The following FAT3 variants were observed in gnomAD, a reference collection of about 807,000 sequenced individuals.
FAT3 encodes FAT atypical cadherin 3, also known as protocadherin Fat 3.
A neutral mutation model predicts 310.2 loss-of-function variants in FAT3; 95 were observed. That is an observed-to-expected ratio of 0.31 (90% confidence interval 0.26 to 0.36). The LOEUF is 0.36. FAT3 is among the 10% of genes least tolerant of loss of function. The probability of loss-of-function intolerance (pLI) is 1.00; values close to 1 mark genes in which losing one functional copy is unlikely to be tolerated. For missense variants in FAT3, 5,408 were observed against 5,715.6 expected, an observed-to-expected ratio of 0.95 and a Z score of 1.74; for synonymous variants, 2,314 against 2,192.9, an observed-to-expected ratio of 1.06 and a Z score of -1.54.
chr11:92,859,811 T>A (rs953592335), intron 21 of FAT3, among the ~76,000 whole-genome samples: 1 of 152,158 alleles, frequency 6.6e-6, no homozygotes, highest in Non-Finnish European at 1.5e-5. Context: ...TTTCCTAGCC[T>A]CAGAAATGCT....
chr11:92,430,502 TTGGA>T (rs1445811515), intron 2 of FAT3, among the ~76,000 whole-genome samples: 2 of 152,046 alleles, frequency 1.3e-5, no homozygotes, highest in Non-Finnish European at 2.9e-5. Context: ...TTGGTGGCCT[TTGGA>T]TGGGGTTTTT....
At chr11:92,700,330 T>C (rs1944061015) in intron 4 of FAT3, among the ~76,000 whole-genome samples, 1 of 152,044 alleles carries the variant, frequency 6.6e-6, no homozygotes. Flanking sequence ...GAGGGGACTA[T>C]GGTAAGGATT....
intron 1 of FAT3, among the ~76,000 whole-genome samples, chr11:92,317,042 T>C (rs1289408485): frequency 6.6e-6 from 1 of 152,140 alleles, no homozygotes; most frequent in Non-Finnish European, 1.5e-5. Context: ...ATTAGACTCA[T>C]TGCAATATGG....
rs549821705 is a variant in FAT3 at position 92,577,841 on chromosome 11, T to G, written c.3607+52893T>G. On this transcript the variant is annotated intron_variant, in intron 3 of 27. Transcript: ENST00000525166. ...ATGCAATTTTTTTCTTTTTGTGATA[T>G]GTAATTTTTGATTGTTTTATTTCTT... Among the ~76,000 whole-genome samples, 6 of 152,184 alleles carry G rather than the reference T, an allele frequency of 3.9e-5. No individual in the cohort carries two copies. The East Asian group carries it at 1.2e-3, about 30-fold the overall frequency.
At chr11:92,445,146 A>G (rs1951179882) in intron 2 of FAT3, among the ~76,000 whole-genome samples, 1 of 152,242 alleles carries the variant, frequency 6.6e-6, no homozygotes, top group African/African-American at 2.4e-5. Flanking sequence ...CCAAACTATG[A>G]GAAAATAAAA....
At chr11:92,761,785 C>A in intron 4 of FAT3, 71 bp from the exon 5 acceptor site, 1 of 1,395,242 alleles carries the variant, frequency 7.2e-7, no homozygotes, top group Non-Finnish European at 9.8e-7. Context: ...TTAGAAGAAA[C>A]ACCCATAGGT....
intron 1 of FAT3, among the ~76,000 whole-genome samples, chr11:92,227,846 CA>C (rs1234472177): frequency 1.6e-4 from 22 of 139,562 alleles, no homozygotes; most frequent in Admixed American, 2.9e-4. Context: ...GAGACAAAGA[CA>C]AAAAAAAAGC....
At chr11:92,229,504 T>TTTTTTTTTTTTTTTTTTTTTC (rs1864072986) in intron 1 of FAT3, among the ~76,000 whole-genome samples, 1 of 68,924 alleles carries the variant, frequency 1.5e-5, no homozygotes, top group Non-Finnish European at 3.1e-5. Flanking sequence ...TTTTTTTTTT[T>TTTTTTTTTTTTTTTTTTTTTC]TTGTTTTTTG....
At chr11:92,685,870 T>C (rs1177451179) in intron 3 of FAT3, among the ~76,000 whole-genome samples, 1 of 152,124 alleles carries the variant, frequency 6.6e-6, no homozygotes. Context: ...AGAGGGAAAA[T>C]ACAAGGCTTC....
intron 3 of FAT3, among the ~76,000 whole-genome samples, chr11:92,690,923 G>A (rs980026345): frequency 4.6e-5 from 7 of 152,136 alleles, no homozygotes; most frequent in African/African-American, 7.2e-5. Flanking sequence ...TTAAAAGCAC[G>A]TACTTAACTG....
chr11:92,552,053 A>C (rs1321578851), intron 3 of FAT3, among the ~76,000 whole-genome samples: 1 of 152,254 alleles, frequency 6.6e-6, no homozygotes, highest in African/African-American at 2.4e-5. Flanking sequence ...GCAATTGTGC[A>C]TGTAATTAGA....
rs575626576 is a variant in FAT3, at chr11:92,397,385, T to C, written c.3292+41981T>C. On this transcript the variant is annotated intron_variant, in intron 2 of 27. Coordinates refer to ENST00000525166, the MANE Select transcript of FAT3 (RefSeq NM_001367949.2). ...TATTAAGCAATCTTCTGCCATCTGCTGTCAGCAGCGCATGGGTCCCCTAAG... is the reference window on the plus strand; with the variant it reads ...TATTAAGCAATCTTCTGCCATCTGCCGTCAGCAGCGCATGGGTCCCCTAAG... Among the ~76,000 whole-genome samples the C allele has an allele frequency of 2.6e-5, 4 of 152,332 alleles. No individual in the cohort carries two copies. In the East Asian group the frequency reaches 5.8e-4, roughly 22 times the overall value.
chr11:92,544,768 C>G (rs1227313978), intron 3 of FAT3, among the ~76,000 whole-genome samples: 1 of 152,148 alleles, frequency 6.6e-6, no homozygotes, highest in Non-Finnish European at 1.5e-5. Flanking sequence ...GGGAAGGTAT[C>G]GCCAACCGCT....
Position 92,798,047 on chromosome 11 carries a change from A to T in FAT3, c.5034A>T (p.Ala1678=). The T allele has an allele frequency of 6.2e-7, 1 of 1,613,934 alleles. No homozygotes were observed. Among genetic ancestry groups the T allele is most frequent in the Non-Finnish European group, 8.5e-7 (1 of 1,179,868 alleles). The part of the protein sequence containing the change: ...HPKFIHKDYQ[A]EVNENVDIGT... Reference sequence around the variant, plus strand: ...AGTTCATTCACAAAGACTACCAAGCAGAAGTAAATGAAAATGTTGACATTG... The same window carrying T: ...AGTTCATTCACAAAGACTACCAAGCTGAAGTAAATGAAAATGTTGACATTG... The change falls in exon 10 of 28, where the codon GCA becomes GCT. Residue 1678 remains alanine (A), a synonymous_variant. Coordinates refer to ENST00000525166, the MANE Select transcript of FAT3 (RefSeq NM_001367949.2).
chr11:92,878,105 T>A (rs1949574074), intron 22 of FAT3, among the ~76,000 whole-genome samples: 1 of 152,194 alleles, frequency 6.6e-6, no homozygotes, highest in African/African-American at 2.4e-5. Context: ...AATTGGCTTA[T>A]GACTGAGCAG....
At chr11:92,718,684 A>G (rs1420959806) in intron 4 of FAT3, among the ~76,000 whole-genome samples, 1 of 152,168 alleles carries the variant, frequency 6.6e-6, no homozygotes, top group African/African-American at 2.4e-5. Flanking sequence ...ACTGAAACCA[A>G]GCATACATTG....
Position 92,742,492 on chromosome 11 carries a change from G to A in FAT3, c.3670-19364G>A, listed in dbSNP as rs142253891. Among the ~76,000 whole-genome samples, 7 of 152,312 alleles carry A rather than the reference G, an allele frequency of 4.6e-5. No homozygotes were observed. The East Asian group carries it at 9.6e-4, about 21-fold the overall frequency. ...CTAGTGCTGTGGTTTGGATGTGTCC[G>A]CCAAAGTTTATGTGTTGGAAACAAT... is the stretch of plus-strand genomic sequence containing the variant. On this transcript the variant is annotated intron_variant, in intron 4 of 27. Transcript: ENST00000525166.
At chr11:92,562,498 G>A (rs1955265718) in intron 3 of FAT3, among the ~76,000 whole-genome samples, 1 of 152,138 alleles carries the variant, frequency 6.6e-6, no homozygotes, top group Non-Finnish European at 1.5e-5. Flanking sequence ...ATGTGTATAG[G>A]TCAGGGTTCT....
intron 3 of FAT3, among the ~76,000 whole-genome samples, chr11:92,613,174 A>C (rs1432422705): frequency 1.3e-5 from 2 of 151,926 alleles, no homozygotes; most frequent in East Asian, 3.9e-4. Context: ...TGTCCATCCT[A>C]ATATTGTTTA....
Sources: allele counts gnomAD v4.1 joint callset (sites outside exome capture counted in the v4.1 genomes callset), GRCh38; gene constraint gnomAD v4.1.1; transcripts MANE v1.5; gene names NCBI Gene and HGNC (gene_info 2026-07-23, HGNC 2026-07-21).